Variants in EGFR observed in about 807,000 individuals in gnomAD.
EGFR encodes avian erythroblastic leukemia viral (v-erb-b) oncogene homolog.
A neutral mutation model predicts 143.0 loss-of-function variants in EGFR; 58 were observed. That is an observed-to-expected ratio of 0.41 (90% CI 0.33 to 0.50). The LOEUF is 0.50. Ranked by LOEUF, EGFR falls within the 20% of genes least tolerant of loss-of-function variation. The pLI is 0.39. For synonymous variants in EGFR, 613 were observed against 594.4 expected (o/e 1.03, Z -0.45); for missense variants, 1,307 against 1,579.0 (o/e 0.83, Z 2.92).
chr7:55,165,333 C>T lies in EGFR; in HGVS notation c.1776C>T (p.Val592=). 1 of 1,614,204 alleles carries T rather than the reference C, an allele frequency of 6.2e-7. No individual in the cohort carries two copies. Among genetic ancestry groups the T allele is most frequent in the Non-Finnish European group, 8.5e-7 (1 of 1,180,042 alleles). ...CAHYIDGPHC[V]KTCPAGVMGE... is the part of the protein sequence containing the mutation. ...ACTACATTGACGGCCCCCACTGCGT[C>T]AAGACCTGCCCGGCAGGAGTCATGG... The change falls in exon 15 of 28, where the codon GTC becomes GTT. Residue 592 remains valine (V), a synonymous_variant. Coordinates refer to ENST00000275493, the MANE Select transcript of EGFR (RefSeq NM_005228.5).
chr7:55,026,534 A>G (rs1265026391), intron 1 of EGFR, among the ~76,000 whole-genome samples: 1 of 152,198 alleles, frequency 6.6e-6, no homozygotes, highest in Non-Finnish European at 1.5e-5. Flanking sequence ...TAAACCACAA[A>G]TAACATCTCC....
At chr7:55,120,479 A>G (rs1028349471) in intron 1 of EGFR, among the ~76,000 whole-genome samples, 1 of 152,258 alleles carries the variant, frequency 6.6e-6, no homozygotes, top group East Asian at 1.9e-4. Context: ...TTACAACCAC[A>G]AGGACGTTTA....
chr7:55,160,761 T>C (rs186710942), intron 12 of EGFR, among the ~76,000 whole-genome samples: 1 of 152,358 alleles, frequency 6.6e-6, no homozygotes, highest in East Asian at 1.9e-4. Context: ...GGTGAGAGCC[T>C]GGCCTGTGCT....
chr7:55,067,069 G>A (rs1483933894), intron 1 of EGFR, among the ~76,000 whole-genome samples: 1 of 152,234 alleles, frequency 6.6e-6, no homozygotes, highest in Non-Finnish European at 1.5e-5. Flanking sequence ...CACCTGCCTG[G>A]TGGGACAGTG....
chr7:55,087,273 T>TAAAAAAAAAAAAAAAA (rs373915835), intron 1 of EGFR, among the ~76,000 whole-genome samples: 14 of 102,110 alleles, frequency 1.4e-4, no homozygotes, highest in Non-Finnish European at 1.7e-4. Context: ...TCTCAATTGT[T>TAAAAAAAAAAAAAAAA]AAAAAAAAAA....
rs17289686 is a variant in EGFR, at chr7:55,146,694, C to T, written c.513C>T (p.Asp171=). The T allele has an allele frequency of 6.9e-5, 111 of 1,614,194 alleles. No homozygotes were observed. In the African/African-American group the frequency reaches 1.3e-3, roughly 18 times the overall value. The stretch of plus-strand genomic sequence containing the variant: ...AGTGGCGGGACATAGTCAGCAGTGA[C>T]TTTCTCAGCAACATGTCGATGGACT... ...SIQWRDIVSS[D]FLSNMSMDFQ... is the part of the protein sequence containing the mutation. The change falls in exon 4 of 28, where the codon GAC becomes GAT. Residue 171 remains aspartate (D), a synonymous_variant. Transcript: ENST00000275493.
intron 20 of EGFR, among the ~76,000 whole-genome samples, chr7:55,183,542 AG>A (rs1212927111): frequency 6.6e-6 from 1 of 152,050 alleles, no homozygotes; most frequent in Non-Finnish European, 1.5e-5. Context: ...TGTCTTGGGG[AG>A]GGGGTGGTCA....
chr7:55,041,974 C>T (rs1223136194), intron 1 of EGFR, among the ~76,000 whole-genome samples: 2 of 152,098 alleles, frequency 1.3e-5, no homozygotes, highest in African/African-American at 4.8e-5. Flanking sequence ...CAGCATTCAC[C>T]AGCACCAAAA....
In EGFR at chr7:55,181,679, ACT is replaced by A. The variant is rs1046370432; in HGVS notation, c.2469+205_2469+206del. 10 of 651,482 alleles carry A rather than the reference ACT, an allele frequency of 1.5e-5. 1 individual carries two copies. The highest frequency in any genetic ancestry group is 1.1e-4 in the South Asian group (6 of 53,186). The allele number at this position is 651,482 out of a possible 1,614,324, so 40.4% of individuals were successfully genotyped here. A position where few individuals can be genotyped will look rare whatever the true frequency, so the allele number is the denominator to read the frequency against. On this transcript the variant is annotated intron_variant, in intron 20 of 27. Transcript: ENST00000275493. Reference sequence around the variant, plus strand: ...GTGCCTGTCCCATCTGCATGTGGAAACTCTCATCAATCAGCTACCTTTGAAGA... The same window carrying A: ...GTGCCTGTCCCATCTGCATGTGGAAACTCATCAATCAGCTACCTTTGAAGA...
chr7:55,096,861 A>G (rs546728770), intron 1 of EGFR, among the ~76,000 whole-genome samples: 14 of 152,252 alleles, frequency 9.2e-5, no homozygotes, highest in African/African-American at 2.9e-4. Flanking sequence ...GAGTCATGGG[A>G]GGTGCAGCCG....
intron 1 of EGFR, among the ~76,000 whole-genome samples, chr7:55,058,049 C>A (rs757958999): frequency 4.7e-4 from 72 of 152,306 alleles, no homozygotes; most frequent in African/African-American, 1.6e-3. Flanking sequence ...TACTATTTGA[C>A]CCACCAATCT....
chr7:55,061,649 T>TGTGA (rs1432070752), intron 1 of EGFR, among the ~76,000 whole-genome samples: 541 of 132,782 alleles, frequency 4.1e-3, no homozygotes, highest in African/African-American at 8.6e-3. Flanking sequence ...TGTGTGTGTG[T>TGTGA]GAGAGAGAGA....
rs185764021 is a variant in EGFR, at chr7:55,091,585, A to T, written c.89-50701A>T. On this transcript the variant is annotated intron_variant, in intron 1 of 27. Coordinates refer to ENST00000275493, the MANE Select transcript of EGFR (RefSeq NM_005228.5). ...GAGTAAGGCCAGGGAGAGTTGAATA[A>T]GTTGAGAAATGTCATGTCGAAGCTA... 2.1e-3 allele frequency among the ~76,000 whole-genome samples: 318 copies of T among 152,300 alleles called. 4 individuals carry two copies. The highest frequency in any genetic ancestry group is 6.9e-3 in the Admixed American group (106 of 15,306).
At chr7:55,077,759 G>C (rs1790214537) in intron 1 of EGFR, among the ~76,000 whole-genome samples, 1 of 152,100 alleles carries the variant, frequency 6.6e-6, no homozygotes, top group Non-Finnish European at 1.5e-5. Context: ...AAACTCTTTG[G>C]TGCTTGGGGA....
At chr7:55,144,716 A>T (rs1334285980) in intron 3 of EGFR, among the ~76,000 whole-genome samples, 1 of 151,908 alleles carries the variant, frequency 6.6e-6, no homozygotes, top group Non-Finnish European at 1.5e-5. Flanking sequence ...ACCGGTTCCT[A>T]CAGTGCGCCT....
chr7:55,116,534 C>CGT (rs1554334620), intron 1 of EGFR, among the ~76,000 whole-genome samples: 1 of 91,422 alleles, frequency 1.1e-5, no homozygotes, highest in Non-Finnish European at 2.5e-5. Flanking sequence ...AAAAAAAACA[C>CGT]ATACACACAC....
chr7:55,113,156 A>C (rs571952795), intron 1 of EGFR, among the ~76,000 whole-genome samples: 7 of 152,204 alleles, frequency 4.6e-5, no homozygotes, highest in Admixed American at 2.0e-4. Flanking sequence ...CCTTGGAAAG[A>C]GGTTTTGTTC....
intron 14 of EGFR, 62 bp downstream of exon 14, chr7:55,163,885 C>G (rs2128944966): frequency 6.4e-7 from 1 of 1,568,894 alleles, no homozygotes; most frequent in South Asian, 1.1e-5. Context: ...AGAAGCCGAA[C>G]AGTGATGATG....
intron 22 of EGFR, among the ~76,000 whole-genome samples, chr7:55,194,714 C>T (rs755698709): frequency 6.6e-6 from 1 of 152,146 alleles, no homozygotes; most frequent in Admixed American, 6.6e-5. Context: ...AAGTGGAAGC[C>T]CTCTCAAAGT....
Sources: gnomAD v4.1 joint callset for allele counts (sites outside exome capture counted in the v4.1 genomes callset) on GRCh38, gnomAD v4.1.1 for gene constraint, MANE v1.5 for transcripts, NCBI Gene and HGNC (gene_info 2026-07-23, HGNC 2026-07-21) for gene names.